Variants in PKN2 observed in about 807,000 individuals in gnomAD.
PKN2 encodes the protein protein kinase N2, also known as serine/threonine-protein kinase N2.
Under a neutral mutation model 119.1 loss-of-function variants are expected in PKN2, and 38 were observed. The observed-to-expected ratio is 0.32, with a 90% CI of 0.25 to 0.42. The LOEUF is 0.42. Among genes scored for constraint, PKN2 ranks in the 10% least tolerant of loss-of-function variants. PKN2 has a pLI of 1.00. For missense variants in PKN2, 850 were observed against 1,165.1 expected (o/e 0.73, Z 3.94); for synonymous variants, 390 against 384.9 (o/e 1.01, Z -0.15).
At chr1:88,710,240 A>G (rs556341758) in intron 1 of PKN2, among the ~76,000 whole-genome samples, 107 of 152,306 alleles carry the variant, frequency 7.0e-4, no homozygotes, top group African/African-American at 1.9e-3. Flanking sequence ...CATAGGAATG[A>G]TAAGTTTAAA....
chr1:88,738,501 T>G (rs928015189), intron 1 of PKN2, among the ~76,000 whole-genome samples: 4 of 152,228 alleles, frequency 2.6e-5, no homozygotes, highest in Non-Finnish European at 5.9e-5. Context: ...CCAAGAGAGA[T>G]GATTTCTTGA....
intron 16 of PKN2, among the ~76,000 whole-genome samples, chr1:88,816,204 TAA>T (rs1393590765): frequency 6.6e-6 from 1 of 152,140 alleles, no homozygotes; most frequent in East Asian, 1.9e-4. Context: ...GCCACAAAAA[TAA>T]GTTTGCTAAG....
rs557475072 is a variant in PKN2 at position 88,684,600 on chromosome 1, G to T, written c.20G>T (p.Arg7Leu). The T allele has an allele frequency of 6.4e-6, 10 of 1,561,292 alleles. No homozygotes were observed. The African/African-American group carries it at 1.1e-4, about 17-fold the overall frequency. The change falls in exon 1 of 22, where the codon CGG becomes CTG. Residue 7 changes from arginine to leucine, a missense_variant. This residue lies in a region of PKN2 where 73 missense variants were observed against 61.2 expected (regional missense o/e 1.19). Coordinates refer to ENST00000370521, the MANE Select transcript of PKN2 (RefSeq NM_006256.4). MASNPE[R>L]GEILLTELQG... Reference sequence around the variant, plus strand: ...AGCGCAATGGCGTCCAACCCCGAACGGGGGGAGATTCTGCTCACGGAACTG... The same window carrying T: ...AGCGCAATGGCGTCCAACCCCGAACTGGGGGAGATTCTGCTCACGGAACTG...
Position 88,698,796 on chromosome 1 carries a change from G to A in PKN2, c.48+14168G>A, listed in dbSNP as rs370621387. Among the ~76,000 whole-genome samples, 32 of 152,246 alleles carry A rather than the reference G, an allele frequency of 2.1e-4. 1 individual carries two copies. Among genetic ancestry groups the A allele is most frequent in the Admixed American group, 7.8e-4 (12 of 15,302 alleles). On this transcript the variant is annotated intron_variant, in intron 1 of 21. Transcript: ENST00000370521. ...ACTTTAGACCATATGCATTAACCTAGTGATTTATAGGTGACTTACAAAAGA... is the reference window on the plus strand; with the variant it reads ...ACTTTAGACCATATGCATTAACCTAATGATTTATAGGTGACTTACAAAAGA...
intron 1 of PKN2, among the ~76,000 whole-genome samples, chr1:88,735,521 C>A (rs1342986967): frequency 6.8e-6 from 1 of 146,874 alleles, no homozygotes; most frequent in Non-Finnish European, 1.5e-5. Flanking sequence ...TCTTAGTTTT[C>A]ATTTGTCTGG....
chr1:88,804,594 C>T (rs1382545596), intron 9 of PKN2, 60 bp downstream of exon 9: 1 of 1,479,160 alleles, frequency 6.8e-7, no homozygotes, highest in African/African-American at 1.4e-5. Context: ...ATGTAGGCAG[C>T]ATAATATAGA....
chr1:88,708,744 G>A (rs1667103095), intron 1 of PKN2, among the ~76,000 whole-genome samples: 1 of 151,468 alleles, frequency 6.6e-6, no homozygotes, highest in African/African-American at 2.4e-5. Flanking sequence ...TTGCAGGCGT[G>A]AGCCACCATG....
chr1:88,748,115 G>A (rs1307456416), intron 2 of PKN2, among the ~76,000 whole-genome samples: 6 of 152,034 alleles, frequency 3.9e-5, no homozygotes, highest in Admixed American at 3.9e-4. Context: ...AAGTTAATGT[G>A]TAGTAAAATT....
chr1:88,777,166 GC>G (rs756523386), intron 6 of PKN2, among the ~76,000 whole-genome samples: 4 of 151,976 alleles, frequency 2.6e-5, no homozygotes, highest in Non-Finnish European at 5.9e-5. Context: ...TTTTTCTTCT[GC>G]CTGCTCAAAT....
At chr1:88,739,063 G>T (rs1170744137) in intron 1 of PKN2, among the ~76,000 whole-genome samples, 1 of 152,140 alleles carries the variant, frequency 6.6e-6, no homozygotes, top group African/African-American at 2.4e-5. Flanking sequence ...ACTTCTAACA[G>T]GTGTAGATTA....
chr1:88,686,332 G>A (rs1172278667), intron 1 of PKN2, among the ~76,000 whole-genome samples: 1 of 152,002 alleles, frequency 6.6e-6, no homozygotes, highest in African/African-American at 2.4e-5. Flanking sequence ...TAGAAAGTTG[G>A]CATAAAAGAC....
chr1:88,805,437 T>A, intron 10 of PKN2, 60 bp from the exon 11 acceptor site: 5 of 1,352,930 alleles, frequency 3.7e-6, no homozygotes, highest in Non-Finnish European at 5.0e-6. Context: ...TTTTAAATTA[T>A]GACTTTTGGT....
Position 88,821,761 on chromosome 1 carries a change from T to G in PKN2, c.2280-180T>G, listed in dbSNP as rs367994993. 1.8e-4 allele frequency among the ~76,000 whole-genome samples: 27 copies of G among 152,344 alleles called. 1 individual carries two copies. The South Asian group carries it at 5.6e-3, about 32-fold the overall frequency. On this transcript the variant is annotated intron_variant, in intron 16 of 21. Transcript: ENST00000370521. ...TTAATGGCTTCCATTGTCAAGACTG[T>G]ACTTTTCTCATTTTTAAATTTTACC...
chr1:88,823,556 T>C (rs891862059), intron 17 of PKN2, among the ~76,000 whole-genome samples: 1 of 150,304 alleles, frequency 6.7e-6, no homozygotes, highest in Non-Finnish European at 1.5e-5. Flanking sequence ...AAAAAAAAAT[T>C]AGCCAGGCTT....
At chr1:88,812,614 T>C (rs1176922027) in intron 15 of PKN2, among the ~76,000 whole-genome samples, 2 of 152,030 alleles carry the variant, frequency 1.3e-5, no homozygotes, top group East Asian at 3.9e-4. Context: ...TATGTTCCTG[T>C]AGTACCAGCT....
intron 18 of PKN2, among the ~76,000 whole-genome samples, chr1:88,828,199 A>G (rs1672587374): frequency 2.0e-5 from 3 of 152,206 alleles, no homozygotes; most frequent in African/African-American, 4.8e-5. Flanking sequence ...TCATTTTGTT[A>G]TAATTTCTTA....
chr1:88,719,843 C>T (rs1450303199), intron 1 of PKN2, among the ~76,000 whole-genome samples: 1 of 152,064 alleles, frequency 6.6e-6, no homozygotes, highest in South Asian at 2.1e-4. Context: ...AATGTTATCT[C>T]TCTTGATAAT....
chr1:88,731,740 A>C (rs189772249), intron 1 of PKN2, among the ~76,000 whole-genome samples: 4 of 152,330 alleles, frequency 2.6e-5, no homozygotes, highest in African/African-American at 7.2e-5. Flanking sequence ...AGAGAGTAAC[A>C]GCTTTTTCAC....
intron 1 of PKN2, among the ~76,000 whole-genome samples, chr1:88,708,781 A>T (rs1292863743): frequency 6.6e-6 from 1 of 151,978 alleles, no homozygotes; most frequent in East Asian, 1.9e-4. Flanking sequence ...CTGATTTTTA[A>T]CATTGTTTTT....
Sources: allele counts gnomAD v4.1 joint callset (sites outside exome capture counted in the v4.1 genomes callset), GRCh38; gene constraint gnomAD v4.1.1; regional missense constraint gnomAD v4.1.1; transcripts MANE v1.5; gene names NCBI Gene and HGNC (gene_info 2026-07-23, HGNC 2026-07-21).